Variants in FAM234A observed in about 807,000 individuals in gnomAD.
The protein encoded by FAM234A is protein FAM234A.
Under a neutral mutation model 49.1 loss-of-function variants are expected in FAM234A, and 42 were observed. The ratio of observed to expected loss-of-function variants is 0.86; its 90% CI spans 0.67 to 1.11. The LOEUF (loss-of-function observed/expected upper bound fraction) is 1.11, where lower values mean the gene tolerates loss of function less well. FAM234A is among the 50% of genes least tolerant of loss of function. The pLI, the probability that FAM234A is intolerant of heterozygous loss-of-function variation, is 0.00. For missense variants in FAM234A, 815 were observed against 745.2 expected, an observed-to-expected ratio of 1.09 and a Z score of -1.09; for synonymous variants, 369 against 316.2, an observed-to-expected ratio of 1.17 and a Z score of -1.77.
intron 3 of FAM234A, among the ~76,000 whole-genome samples, chr16:257,858 TTTTG>T (rs981750109): frequency 1.1e-4 from 17 of 151,892 alleles, no homozygotes; most frequent in African/African-American, 3.1e-4. Context: ...ATTCTTTTTT[TTTTG>T]TTTGTTTGTT....
chr16:240,996 T>G (rs2050592586), intron 1 of FAM234A, among the ~76,000 whole-genome samples: 1 of 152,086 alleles, frequency 6.6e-6, no homozygotes, highest in Non-Finnish European at 1.5e-5. Flanking sequence ...TGGAATGCAG[T>G]GGTGTGATCT....
Position 254,618 on chromosome 16 carries a change from G to A in FAM234A, c.205G>A (p.Val69Ile), listed in dbSNP as rs373190153. 13 of 1,613,840 alleles carry A rather than the reference G, an allele frequency of 8.1e-6. No homozygotes were observed. In the African/African-American group the frequency reaches 1.6e-4, roughly 20 times the overall value. The change falls in exon 3 of 13, where the codon GTC becomes ATC. Residue 69 changes from valine (V) to isoleucine (I), a missense_variant. Physicochemically the swap from Val to Ile is conservative, Grantham distance 29. Coordinates refer to ENST00000399932, the MANE Select transcript of FAM234A (RefSeq NM_032039.4). ...CLFVVFVVSFVIPCPDRPASQ... is the reference protein window; with the variant it reads ...CLFVVFVVSFIIPCPDRPASQ... The stretch of plus-strand genomic sequence containing the variant: ...TTTTGTGGTGTTCGTCGTCTCATTC[G>A]TCATCCCGTGTCCAGACCGGCCGGC...
At chr16:243,814 A>G (rs1033209135) in intron 1 of FAM234A, among the ~76,000 whole-genome samples, 1 of 152,188 alleles carries the variant, frequency 6.6e-6, no homozygotes, top group Admixed American at 6.5e-5. Context: ...TATAGCAGTA[A>G]GAGTTCCCAC....
intron 1 of FAM234A, among the ~76,000 whole-genome samples, chr16:245,245 G>T (rs1180033112): frequency 2.6e-5 from 4 of 152,050 alleles, no homozygotes; most frequent in Admixed American, 1.3e-4. Context: ...TACTTTATAG[G>T]CTGAGGTGGG....
At chr16:255,045 C>A (rs534567817) in intron 3 of FAM234A, among the ~76,000 whole-genome samples, 1 of 151,894 alleles carries the variant, frequency 6.6e-6, no homozygotes, top group Non-Finnish European at 1.5e-5. Flanking sequence ...TAGTAGAGAC[C>A]GGGTTTCACC....
At chr16:257,550 G>A (rs2051285568) in intron 3 of FAM234A, among the ~76,000 whole-genome samples, 1 of 151,614 alleles carries the variant, frequency 6.6e-6, no homozygotes, top group South Asian at 2.1e-4. Context: ...TCAGCCTCCT[G>A]TGCTTTTGTA....
Position 264,655 on chromosome 16 carries a change from C to T in FAM234A, c.1386C>T (p.Pro462=). Residue 462 remains proline (P), a synonymous_variant, in exon 12 of 13, where the codon CCC becomes CCT. Coordinates refer to ENST00000399932, the MANE Select transcript of FAM234A (RefSeq NM_032039.4). ...GGCACAGCCTGTACATGTTCCACCCCACCCTGCCGCGCGTGCTGCTGGAGC... is the reference window on the plus strand; with the variant it reads ...GGCACAGCCTGTACATGTTCCACCCTACCCTGCCGCGCGTGCTGCTGGAGC... The part of the protein sequence containing the change: ...EARHSLYMFH[P]TLPRVLLELA... The T allele has an allele frequency of 1.2e-6, 2 of 1,612,010 alleles. No individual in the cohort carries two copies. Among genetic ancestry groups the T allele is most frequent in the Non-Finnish European group, 8.5e-7 (1 of 1,179,976 alleles).
intron 2 of FAM234A, among the ~76,000 whole-genome samples, chr16:252,649 C>T (rs1309148358): frequency 6.6e-6 from 1 of 152,222 alleles, no homozygotes; most frequent in Non-Finnish European, 1.5e-5. Flanking sequence ...TTCTCCACAT[C>T]CTCACCCAGA....
chr16:240,215 C>T (rs1237948175), intron 1 of FAM234A: 4 of 152,172 alleles, frequency 2.6e-5, no homozygotes, highest in African/African-American at 7.2e-5. Context: ...TGGGCACACT[C>T]GCTACAAGAT....
chr16:239,279 G>A (rs1466788235), intron 1 of FAM234A, among the ~76,000 whole-genome samples: 6 of 139,538 alleles, frequency 4.3e-5, no homozygotes, highest in Admixed American at 1.5e-4. Context: ...CAGCCTGGGC[G>A]ACAGAGCAAG....
At position 265,500 on chromosome 16, in the gene FAM234A, TC is replaced by T. The variant is rs1304946024; in HGVS notation, c.*483del. On this transcript the variant is annotated 3_prime_UTR_variant, in exon 13 of 13. Transcript: ENST00000399932. ...TTCCCCTTTTCCCTCCTGTGCTCTG[TC>T]CCCCAAGGAGTCATGGAACTCAGGG... The T allele has an allele frequency of 1.0e-6, 1 of 988,302 alleles. No homozygotes were observed. The highest frequency in any genetic ancestry group is 1.7e-5 in the African/African-American group (1 of 57,250). The allele number at this position is 988,302 out of a possible 1,614,324, so 61.2% of individuals were successfully genotyped here.
Position 254,678 on chromosome 16 carries a change from G to A in FAM234A, c.265G>A (p.Ala89Thr). 1 of 1,612,950 alleles carries A rather than the reference G, an allele frequency of 6.2e-7. No individual in the cohort carries two copies. Among genetic ancestry groups the A allele is most frequent in the Non-Finnish European group, 8.5e-7 (1 of 1,179,612 alleles). ...QRMWRIDYSA[A>T]VIYDFLAVDD... ...AATGTGGAGGATAGACTACAGTGCC[G>A]CTGGTGAGCCTCGGCTTCCCCGCCC... Residue 89 changes from alanine to threonine, a missense_variant, in exon 3 of 13, where the codon GCT becomes ACT. Physicochemically the swap from Ala to Thr is moderately conservative, Grantham distance 58 (BLOSUM62 0). Transcript: ENST00000399932.
chr16:240,464 C>A (rs2050571086), intron 1 of FAM234A, among the ~76,000 whole-genome samples: 1 of 150,646 alleles, frequency 6.6e-6, no homozygotes, highest in Non-Finnish European at 1.5e-5. Flanking sequence ...GGGGTCACCC[C>A]AAACTTATTT....
At chr16:259,848 G>C in intron 4 of FAM234A, 121 bp from the exon 5 acceptor site, 1 of 896,614 alleles carries the variant, frequency 1.1e-6, no homozygotes, top group Non-Finnish European at 1.7e-6. Flanking sequence ...TCCACCTGGC[G>C]GGAGGGGCTG....
intron 1 of FAM234A, among the ~76,000 whole-genome samples, chr16:242,272 T>C (rs1035426635): frequency 6.6e-6 from 1 of 152,222 alleles, no homozygotes; most frequent in African/African-American, 2.4e-5. Context: ...TGGAGTGCAG[T>C]AGTACGATCT....
intron 2 of FAM234A, among the ~76,000 whole-genome samples, chr16:253,426 T>C (rs2051098654): frequency 6.6e-6 from 1 of 152,188 alleles, no homozygotes; most frequent in Admixed American, 6.5e-5. Flanking sequence ...AATTAGGTAG[T>C]GTTTGAATGT....
intron 1 of FAM234A, among the ~76,000 whole-genome samples, chr16:242,333 G>C (rs996010232): frequency 1.8e-4 from 27 of 152,056 alleles, no homozygotes; most frequent in Admixed American, 1.8e-3. Context: ...TCGTGCTTCA[G>C]CCTTCCCAGT....
intron 2 of FAM234A, among the ~76,000 whole-genome samples, chr16:251,113 T>G (rs11647406): frequency 6.6e-6 from 1 of 152,154 alleles, no homozygotes; most frequent in Non-Finnish European, 1.5e-5. Flanking sequence ...CCTGCCACCA[T>G]GCCCATCTAG....
chr16:253,995 C>G (rs781584271), intron 2 of FAM234A: 115 of 213,980 alleles, frequency 5.4e-4, no homozygotes, highest in Non-Finnish European at 5.2e-4. Flanking sequence ...GTCACCTTTT[C>G]CATCTGTGCT....
Sources: allele counts gnomAD v4.1 joint callset (sites outside exome capture counted in the v4.1 genomes callset), GRCh38; gene constraint gnomAD v4.1.1; transcripts MANE v1.5; gene names NCBI Gene and HGNC (gene_info 2026-07-23, HGNC 2026-07-21).